THAP9: variants seen among roughly 807,000 people sequenced by gnomAD.
THAP9 encodes DNA transposase THAP9.
THAP9 carries 20 observed loss-of-function variants against 35.7 expected under a neutral mutation model. The ratio of observed to expected loss-of-function variants is 0.56; its 90% CI spans 0.39 to 0.81. The LOEUF (loss-of-function observed/expected upper bound fraction) is 0.81, where lower values mean the gene tolerates loss of function less well. Ranked by LOEUF, THAP9 falls within the 40% of genes least tolerant of loss-of-function variation. The pLI is 0.00. For missense variants in THAP9, 870 were observed against 1,047.4 expected (o/e 0.83, Z 2.34); for synonymous variants, 335 against 373.7 (o/e 0.90, Z 1.19).
chr4:82,906,458 G>T lies in THAP9; in HGVS notation c.411G>T (p.Glu137Asp). 1.2e-6 allele frequency: 2 copies of T among 1,613,824 alleles called. No homozygotes were observed. Among genetic ancestry groups the T allele is most frequent in the Non-Finnish European group, 1.7e-6 (2 of 1,179,790 alleles). The change falls in exon 3 of 5, where the codon GAG (glutamate) becomes GAT (aspartate). Residue 137 changes from glutamate (E) to aspartate (D), a missense_variant. Glu to Asp is a conservative substitution (Grantham distance 45, BLOSUM62 2). This residue lies in a region of THAP9 where 440 missense variants were observed against 501.2 expected (regional missense o/e 0.88). Coordinates refer to ENST00000302236, the MANE Select transcript of THAP9 (RefSeq NM_024672.6). ...SLKTPLTIGAEKLAEVQQMLQ... is the reference protein window; with the variant it reads ...SLKTPLTIGADKLAEVQQMLQ... ...AGACACCTTTGACGATAGGTGCAGAGAAACTGGCTGAGGTGCAACAAATGT... is the reference window on the plus strand; with the variant it reads ...AGACACCTTTGACGATAGGTGCAGATAAACTGGCTGAGGTGCAACAAATGT...
At chr4:82,902,105 C>CTTTTTTTTT (rs768693634) in intron 1 of THAP9, among the ~76,000 whole-genome samples, 7 of 104,470 alleles carry the variant, frequency 6.7e-5, no homozygotes, top group Non-Finnish European at 8.8e-5. Flanking sequence ...CATTTTCCTT[C>CTTTTTTTTT]TTTTTTTTTT....
Position 82,900,898 on chromosome 4 carries a change from G to C in THAP9, c.80+16G>C. ...CCTTCCACCAGTGCGTATGGGAGCA[G>C]CCTCGAAGCCTTCGAACTCCCTGCG... On this transcript the variant is annotated intron_variant, in intron 1 of 4. Transcript: ENST00000302236. The C allele has an allele frequency of 6.2e-7, 1 of 1,612,600 alleles. No homozygotes were observed. Among genetic ancestry groups the C allele is most frequent in the Non-Finnish European group, 8.5e-7 (1 of 1,179,632 alleles).
In THAP9 at chr4:82,918,258, T is replaced by C. The variant is rs2126017820; in HGVS notation, c.2046T>C (p.Val682=). The C allele has an allele frequency of 6.2e-7, 1 of 1,614,216 alleles. No homozygotes were observed. Among genetic ancestry groups the C allele is most frequent in the African/African-American group, 1.3e-5 (1 of 75,074 alleles). Residue 682 remains valine, a synonymous_variant, in exon 5 of 5, where the codon GTT becomes GTC. Transcript: ENST00000302236. ...TTCAACGTCAGTATGGTGTCAGCGT[T>C]ACAAAGACTGTCTTTCACGAAGAGG... ...WTVQRQYGVS[V]TKTVFHEEGI...
At chr4:82,913,082 C>G (rs980102428) in intron 4 of THAP9, 77 of 151,744 alleles carry the variant, frequency 5.1e-4, no homozygotes, top group African/African-American at 1.7e-3. Flanking sequence ...TTTTTATGAT[C>G]ATAAGAAAAT....
At chr4:82,908,919 T>A (rs1720759611) in intron 4 of THAP9, among the ~76,000 whole-genome samples, 1 of 148,508 alleles carries the variant, frequency 6.7e-6, no homozygotes, top group South Asian at 2.1e-4. Flanking sequence ...TCCTTTTTTT[T>A]TTTGAGATGG....
intron 4 of THAP9, among the ~76,000 whole-genome samples, chr4:82,912,133 T>G (rs539182152): frequency 1.3e-5 from 2 of 152,174 alleles, no homozygotes; most frequent in African/African-American, 4.8e-5. Flanking sequence ...CAAAGCTGTG[T>G]TTTTTACAAT....
chr4:82,916,893 T>G, intron 4 of THAP9, 51 bp from the exon 5 acceptor site: 2 of 1,445,192 alleles, frequency 1.4e-6, no homozygotes, highest in South Asian at 1.7e-5. Flanking sequence ...CATTTTCCCA[T>G]TTGTCTTTTT....
Position 82,900,757 on chromosome 4 carries a change from A to T in THAP9, c.-46A>T. The T allele has an allele frequency of 6.2e-7, 1 of 1,602,798 alleles. No homozygotes were observed. Among genetic ancestry groups the T allele is most frequent in the East Asian group, 2.2e-5 (1 of 44,814 alleles). ...GGCGGAGCTAAAGTGGTCGTGATTC[A>T]TGCTGTCGCGGGAACCCCGAAGGTG... On this transcript the variant is annotated 5_prime_UTR_variant, in exon 1 of 5. It removes an upstream start codon present in the reference 5' UTR. Transcript: ENST00000302236.
Position 82,918,423 on chromosome 4 carries a change from T to C in THAP9, c.2211T>C (p.Thr737=). 6.2e-7 allele frequency: 1 copy of C among 1,614,206 alleles called. No homozygotes were observed. The highest frequency in any genetic ancestry group is 8.5e-7 in the Non-Finnish European group (1 of 1,180,016). The part of the protein sequence containing the change: ...SALLTCEDCI[T]ALYASDLKAS... ...TTTTAACTTGTGAGGACTGCATCAC[T>C]GCACTGTATGCATCGGATCTCAAAG... Residue 737 remains threonine, a synonymous_variant, in exon 5 of 5, where the codon ACT becomes ACC. Coordinates refer to ENST00000302236, the MANE Select transcript of THAP9 (RefSeq NM_024672.6).
chr4:82,904,844 C>G lies in THAP9; in HGVS notation c.189C>G (p.Ser63=), dbSNP rs771557029. ...CAGGACCAGGTGCTATACTGTGTTC[C>G]AAACATTTTCAAGAAAGTGACTTTG... ...WIPGPGAILC[S]KHFQESDFES... is the part of the protein sequence containing the mutation. The change falls in exon 2 of 5, where the codon TCC becomes TCG. Residue 63 remains serine (S), a synonymous_variant. Transcript: ENST00000302236. 1.9e-6 allele frequency: 3 copies of G among 1,613,890 alleles called. No homozygotes were observed. Among genetic ancestry groups the G allele is most frequent in the Non-Finnish European group, 2.5e-6 (3 of 1,179,946 alleles).
Position 82,907,832 on chromosome 4 carries a change from G to A in THAP9, c.628G>A (p.Ala210Thr), listed in dbSNP as rs761451561. The A allele has an allele frequency of 1.2e-5, 19 of 1,609,152 alleles. No individual in the cohort carries two copies. The highest frequency in any genetic ancestry group is 5.4e-5 in the African/African-American group (4 of 74,752). ...TTGGAGAGAAACAGATGAGTACTCC[G>A]CAGAAATGAAACAATTTGCATGTAC... ...YNWRETDEYS[A>T]EMKQFACTLY... Residue 210 changes from alanine to threonine, a missense_variant, in exon 4 of 5, where the codon GCA becomes ACA. Transcript: ENST00000302236.
chr4:82,917,977 CA>C lies in THAP9; in HGVS notation c.1769del (p.Asn590IlefsTer14), dbSNP rs1721100306. 6.2e-7 allele frequency: 1 copy of C among 1,613,842 alleles called. No homozygotes were observed. Among genetic ancestry groups the C allele is most frequent in the Non-Finnish European group, 8.5e-7 (1 of 1,179,982 alleles). The part of the protein sequence containing the change: ...LNAESLKWLY[Q>X]NYVFPKVMPF... Reference sequence around the variant, plus strand: ...TGCTGAGAGCTTAAAATGGCTCTACCAAAATTATGTTTTCCCAAAGGTCATG... The same window carrying C: ...TGCTGAGAGCTTAAAATGGCTCTACCAAATTATGTTTTCCCAAAGGTCATG... On this transcript the variant is annotated frameshift_variant, in exon 5 of 5. Transcript: ENST00000302236. LOFTEE classifies it high-confidence loss of function.
intron 4 of THAP9, chr4:82,910,601 C>T: frequency 2.8e-6 from 1 of 352,570 alleles, no homozygotes; most frequent in Non-Finnish European, 4.6e-6. Context: ...TTTATTTTCC[C>T]ATATAAAAAG....
At chr4:82,905,263 CTA>C (rs1210128786) in intron 2 of THAP9, among the ~76,000 whole-genome samples, 1 of 151,998 alleles carries the variant, frequency 6.6e-6, no homozygotes, top group Non-Finnish European at 1.5e-5. Context: ...TTGAAATTAT[CTA>C]TGTTTTTTGG....
At chr4:82,906,754 T>A in intron 3 of THAP9, 127 bp downstream of exon 3, 1 of 888,690 alleles carries the variant, frequency 1.1e-6, no homozygotes, top group Non-Finnish European at 1.6e-6. Context: ...CTCAGTAGCT[T>A]AAGAAGAATG....
In THAP9 at chr4:82,906,405, G is replaced by A; in HGVS notation, c.358G>A (p.Ala120Thr). 2 of 1,613,560 alleles carry A rather than the reference G, an allele frequency of 1.2e-6. No individual in the cohort carries two copies. Among genetic ancestry groups the A allele is most frequent in the Non-Finnish European group, 1.7e-6 (2 of 1,179,646 alleles). Reference protein sequence around the residue: ...QPLPDNSQEVATEDHNYSLKT... With the variant: ...QPLPDNSQEVTTEDHNYSLKT... ...TCTTCCAGACAATTCTCAAGAAGTT[G>A]CTACTGAGGACCATAACTATAGTTT... The change falls in exon 3 of 5, where the codon GCT becomes ACT. Residue 120 changes from alanine to threonine, a missense_variant. Transcript: ENST00000302236.
intron 1 of THAP9, among the ~76,000 whole-genome samples, chr4:82,902,186 G>T (rs544126932): frequency 2.3e-5 from 3 of 132,692 alleles, no homozygotes; most frequent in African/African-American, 8.6e-5. Flanking sequence ...ACAGCTCAGC[G>T]CAGCCTCTAT....
At chr4:82,901,949 C>T (rs920103624) in intron 1 of THAP9, among the ~76,000 whole-genome samples, 1 of 151,898 alleles carries the variant, frequency 6.6e-6, no homozygotes, top group African/African-American at 2.4e-5. Flanking sequence ...AAAAACCTGC[C>T]TTGTAGAATT....
intron 1 of THAP9, among the ~76,000 whole-genome samples, chr4:82,903,944 G>A (rs1231167353): frequency 2.0e-5 from 3 of 151,748 alleles, no homozygotes; most frequent in African/African-American, 7.3e-5. Flanking sequence ...AGGAAAGCTT[G>A]TTCCTTTATG....
Sources: allele counts gnomAD v4.1 joint callset (sites outside exome capture counted in the v4.1 genomes callset), GRCh38; gene constraint gnomAD v4.1.1; regional missense constraint gnomAD v4.1.1; transcripts MANE v1.5; gene names NCBI Gene and HGNC (gene_info 2026-07-23, HGNC 2026-07-21).